DMXL2: variants seen among roughly 807,000 people sequenced by gnomAD.
The protein encoded by DMXL2 is Dmx like 2.
A neutral mutation model predicts 331.1 loss-of-function variants in DMXL2; 103 were observed. The ratio of observed to expected loss-of-function variants is 0.31; its 90% CI spans 0.27 to 0.37. The LOEUF is 0.37. Among genes scored for constraint, DMXL2 ranks in the 10% least tolerant of loss-of-function variants. The pLI is 1.00. For missense variants in DMXL2, 3,171 were observed against 3,642.9 expected (o/e 0.87, Z 3.33); for synonymous variants, 1,281 against 1,252.1 (o/e 1.02, Z -0.49).
At chr15:51,495,843 GA>G (rs879929338) in intron 18 of DMXL2, among the ~76,000 whole-genome samples, 346 of 141,706 alleles carry the variant, frequency 2.4e-3, no homozygotes, top group African/African-American at 4.0e-3. Flanking sequence ...GTATTTTCCA[GA>G]AAAAAAAAAA....
At position 51,457,415 on chromosome 15, in the gene DMXL2, A is replaced by G; in HGVS notation, c.8250T>C (p.Ser2750=). 1.9e-6 allele frequency: 3 copies of G among 1,614,232 alleles called. No individual in the cohort carries two copies. Among genetic ancestry groups the G allele is most frequent in the Non-Finnish European group, 1.7e-6 (2 of 1,180,026 alleles). ...CCTGACTTGCTGAATAGGATGTTGC[A>G]CTGGGTTGATAAAGAGTTGTAGTGG... ...RGSTTTLYQP[S]ATSYSASQVH... The change falls in exon 37 of 44, where the codon AGT becomes AGC. Residue 2750 remains serine (S), a synonymous_variant. Coordinates refer to ENST00000560891, the MANE Select transcript of DMXL2 (RefSeq NM_001378457.1).
At chr15:51,566,640 A>C (rs2141061937) in intron 3 of DMXL2, among the ~76,000 whole-genome samples, 1 of 152,270 alleles carries the variant, frequency 6.6e-6, no homozygotes, top group South Asian at 2.1e-4. Flanking sequence ...TTAATATTTT[A>C]ATTTATACTG....
At chr15:51,555,001 T>C (rs1389853193) in intron 6 of DMXL2, among the ~76,000 whole-genome samples, 1 of 151,990 alleles carries the variant, frequency 6.6e-6, no homozygotes, top group Non-Finnish European at 1.5e-5. Flanking sequence ...CTACTAAAAA[T>C]ACAAAAATTA....
intron 1 of DMXL2, among the ~76,000 whole-genome samples, chr15:51,618,375 T>C (rs1243865202): frequency 4.6e-5 from 7 of 152,236 alleles, no homozygotes; most frequent in African/African-American, 1.7e-4. Flanking sequence ...ATTTGCTAAA[T>C]GTATAAACTG....
At chr15:51,548,214 G>A (rs2048997935) in intron 6 of DMXL2, among the ~76,000 whole-genome samples, 1 of 152,078 alleles carries the variant, frequency 6.6e-6, no homozygotes, top group Non-Finnish European at 1.5e-5. Context: ...CTGCATTAAA[G>A]GGAAATAATA....
At chr15:51,511,640 G>A (rs899524606) in intron 15 of DMXL2, among the ~76,000 whole-genome samples, 1 of 152,106 alleles carries the variant, frequency 6.6e-6, no homozygotes, top group African/African-American at 2.4e-5. Flanking sequence ...GGCAATTCCT[G>A]AAGGATCTAG....
chr15:51,483,659 T>C (rs1322248995), intron 23 of DMXL2, among the ~76,000 whole-genome samples: 1 of 150,672 alleles, frequency 6.6e-6, no homozygotes, highest in Non-Finnish European at 1.5e-5. Context: ...GCAGCGCCCC[T>C]GCTCCCTGCA....
At chr15:51,586,328 G>A (rs1203157171) in intron 1 of DMXL2, among the ~76,000 whole-genome samples, 3 of 152,126 alleles carry the variant, frequency 2.0e-5, no homozygotes, top group African/African-American at 7.2e-5. Flanking sequence ...ACGCAAAGCT[G>A]TGGGTGCTAT....
chr15:51,458,878 G>C, intron 34 of DMXL2, 83 bp from the exon 35 acceptor site: 2 of 1,175,812 alleles, frequency 1.7e-6, no homozygotes, highest in Non-Finnish European at 2.4e-6. Context: ...TTTAAATGTA[G>C]GATAAGAAGA....
chr15:51,529,855 A>C (rs2047900635), intron 13 of DMXL2, among the ~76,000 whole-genome samples: 2 of 152,130 alleles, frequency 1.3e-5, no homozygotes, highest in Admixed American at 1.3e-4. Context: ...CAAAAATCCT[A>C]AACAAAACAC....
chr15:51,529,420 ATAC>A (rs2047875304), intron 13 of DMXL2, among the ~76,000 whole-genome samples: 1 of 152,184 alleles, frequency 6.6e-6, no homozygotes, highest in African/African-American at 2.4e-5. Flanking sequence ...GAAAAAAGGG[ATAC>A]TACAACTGAT....
intron 2 of DMXL2, among the ~76,000 whole-genome samples, chr15:51,574,949 A>C (rs2050920404): frequency 6.6e-6 from 1 of 152,214 alleles, no homozygotes; most frequent in South Asian, 2.1e-4. Context: ...TGCTTGGCCT[A>C]GAGAGAAGAG....
chr15:51,568,230 C>T, intron 3 of DMXL2: 1 of 333,336 alleles, frequency 3.0e-6, no homozygotes, highest in Non-Finnish European at 5.4e-6. Context: ...CAAGAAATAA[C>T]AGTAGTTCAA....
At chr15:51,581,459 G>A (rs911561500) in intron 1 of DMXL2, among the ~76,000 whole-genome samples, 6 of 152,054 alleles carry the variant, frequency 3.9e-5, no homozygotes, top group African/African-American at 2.4e-5. Context: ...TGACAGATGC[G>A]TCTAAATTTA....
intron 6 of DMXL2, among the ~76,000 whole-genome samples, chr15:51,557,147 C>A (rs1444372550): frequency 6.6e-6 from 1 of 151,880 alleles, no homozygotes; most frequent in Non-Finnish European, 1.5e-5. Flanking sequence ...ATATAAAATC[C>A]AAAATGATCT....
intron 42 of DMXL2, among the ~76,000 whole-genome samples, chr15:51,450,925 A>C (rs1021015937): frequency 2.1e-5 from 3 of 145,504 alleles, no homozygotes; most frequent in African/African-American, 7.8e-5. Context: ...AATGCATATC[A>C]GTGTATTAAA....
At chr15:51,461,331 G>T (rs1177105578) in intron 33 of DMXL2, among the ~76,000 whole-genome samples, 2 of 152,154 alleles carry the variant, frequency 1.3e-5, no homozygotes, top group African/African-American at 2.4e-5. Flanking sequence ...GTGGGGAAGG[G>T]CAAGACGAGA....
At chr15:51,458,339 T>C (rs1221046551) in intron 36 of DMXL2, among the ~76,000 whole-genome samples, 167 bp downstream of exon 36, 1 of 152,198 alleles carries the variant, frequency 6.6e-6, no homozygotes, top group Non-Finnish European at 1.5e-5. Context: ...ATTCATTCAG[T>C]TAATGTAGAC....
chr15:51,449,204 A>G lies in DMXL2; in HGVS notation c.8968-11T>C. On this transcript the variant is annotated splice_polypyrimidine_tract_variant and intron_variant, in intron 43 of 43. Transcript: ENST00000560891. Reference sequence around the variant, plus strand: ...TGTCAATCTCCAAACCTAGTGCAAAACAAAAGGAGTTAAAAATATATTACG... The same window carrying G: ...TGTCAATCTCCAAACCTAGTGCAAAGCAAAAGGAGTTAAAAATATATTACG... The G allele has an allele frequency of 6.2e-7, 1 of 1,613,506 alleles. No individual in the cohort carries two copies.
Sources: allele counts gnomAD v4.1 joint callset (sites outside exome capture counted in the v4.1 genomes callset), GRCh38; gene constraint gnomAD v4.1.1; transcripts MANE v1.5; gene names NCBI Gene and HGNC (gene_info 2026-07-23, HGNC 2026-07-21).